Variants in RTN4 observed in about 807,000 individuals in gnomAD.
RTN4 encodes reticulon-4.
Under a neutral mutation model 90.4 loss-of-function variants are expected in RTN4, and 32 were observed. The observed-to-expected ratio is 0.35, with a 90% confidence interval of 0.27 to 0.48. The LOEUF is 0.48. RTN4 is among the 20% of genes least tolerant of loss of function. The pLI, the probability that RTN4 is intolerant of heterozygous loss-of-function variation, is 0.99. For missense variants in RTN4, 1,706 were observed against 1,430.2 expected (o/e 1.19, Z -3.11); for synonymous variants, 629 against 552.5 (o/e 1.14, Z -1.94).
upstream of RTN4, among the ~76,000 whole-genome samples, chr2:55,052,057 TGGAG>T (rs976629377): frequency 2.6e-5 from 4 of 152,124 alleles, no homozygotes; most frequent in Admixed American, 6.5e-5. Flanking sequence ...AAGTAAGAGT[TGGAG>T]GGAGGGATAA....
intron 1 of RTN4, among the ~76,000 whole-genome samples, chr2:55,092,499 G>A (rs1668957040): frequency 1.3e-5 from 2 of 152,110 alleles, no homozygotes; most frequent in Admixed American, 6.5e-5. Flanking sequence ...CTCCTAAAGT[G>A]CTGGGATTAC....
chr2:55,081,291 C>T (rs571761027), intron 1 of RTN4, among the ~76,000 whole-genome samples: 8 of 151,984 alleles, frequency 5.3e-5, no homozygotes, highest in African/African-American at 1.4e-4. Context: ...TGTCCAGCCT[C>T]GGCTCGAACT....
At chr2:55,099,831 C>T (rs1667820226) in intron 1 of RTN4, among the ~76,000 whole-genome samples, 2 of 151,972 alleles carry the variant, frequency 1.3e-5, no homozygotes, top group African/African-American at 4.8e-5. Flanking sequence ...TTAAATGAAG[C>T]GATTCATGTA....
chr2:55,126,944 T>A, the RTN4 span, among the ~76,000 whole-genome samples: 1 of 152,122 alleles, frequency 6.6e-6, no homozygotes, highest in African/African-American at 2.4e-5. Flanking sequence ...TTCTCACTTA[T>A]AAGTGGCAGC....
chr2:55,061,574 T>G (rs560343112), intron 2 of RTN4, among the ~76,000 whole-genome samples: 1 of 152,324 alleles, frequency 6.6e-6, no homozygotes, highest in Admixed American at 6.5e-5. Flanking sequence ...AGTCCCTTTA[T>G]TCATGATACT....
At chr2:54,981,352 A>G (rs1558760240) in intron 5 of RTN4, among the ~76,000 whole-genome samples, 2 of 151,376 alleles carry the variant, frequency 1.3e-5, no homozygotes, top group Non-Finnish European at 2.9e-5. Context: ...TGTTTTTCTG[A>G]GTCTAAAGGC....
intron 8 of RTN4, 181 bp from the exon 9 acceptor site, chr2:54,973,379 A>AACAC (rs1229480299): frequency 2.6e-6 from 2 of 757,150 alleles, no homozygotes; most frequent in African/African-American, 3.5e-5. Flanking sequence ...CAAAGCCTTA[A>AACAC]ACACATAATA....
At chr2:55,110,034 C>T (rs373053655) in intron 1 of RTN4, among the ~76,000 whole-genome samples, 11 of 152,062 alleles carry the variant, frequency 7.2e-5, no homozygotes, top group Admixed American at 5.2e-4. Flanking sequence ...CAGGGCTGGG[C>T]GTGGTGGTTC....
chr2:55,130,536 A>T, the RTN4 span, among the ~76,000 whole-genome samples: 2 of 152,180 alleles, frequency 1.3e-5, no homozygotes, highest in Admixed American at 6.5e-5. Context: ...AGACTGCTCG[A>T]GCCCAGGAGT....
chr2:54,981,177 A>C (rs1192782349), intron 5 of RTN4, among the ~76,000 whole-genome samples: 5 of 152,234 alleles, frequency 3.3e-5, no homozygotes, highest in African/African-American at 1.2e-4. Flanking sequence ...CATAAATAAA[A>C]ATAAGAGATG....
intron 2 of RTN4, among the ~76,000 whole-genome samples, chr2:55,056,864 G>T (rs901406363): frequency 6.6e-6 from 1 of 152,104 alleles, no homozygotes; most frequent in Non-Finnish European, 1.5e-5. Context: ...TAAAACTCAG[G>T]CCTATGTAAC....
intron 5 of RTN4, among the ~76,000 whole-genome samples, chr2:54,975,914 A>T (rs1444725261): frequency 1.3e-5 from 2 of 152,186 alleles, no homozygotes; most frequent in Non-Finnish European, 2.9e-5. Flanking sequence ...TTGAAAAAAA[A>T]TTTTTTTAAG....
upstream of RTN4, among the ~76,000 whole-genome samples, chr2:55,055,713 T>G (rs1438240317): frequency 6.7e-6 from 1 of 149,208 alleles, no homozygotes; most frequent in Admixed American, 6.8e-5. Flanking sequence ...GCGCTTGCAG[T>G]GAGCAGAGAT....
intron 5 of RTN4, among the ~76,000 whole-genome samples, chr2:54,977,993 A>AT (rs1677781663): frequency 6.6e-6 from 1 of 152,110 alleles, no homozygotes; most frequent in Non-Finnish European, 1.5e-5. Context: ...GAGTTTGGTT[A>AT]TTTTTTTGAT....
At chr2:55,036,916 C>A (rs375631637) in intron 1 of RTN4, among the ~76,000 whole-genome samples, 1 of 152,080 alleles carries the variant, frequency 6.6e-6, no homozygotes, top group African/African-American at 2.4e-5. Context: ...CCAGGCTTCT[C>A]GTAAAGATCT....
At chr2:55,066,846 A>G (rs988541476) in intron 2 of RTN4, among the ~76,000 whole-genome samples, 3 of 152,192 alleles carry the variant, frequency 2.0e-5, no homozygotes, top group Admixed American at 1.3e-4. Flanking sequence ...TGGCCATTTC[A>G]TATAGTTCAA....
chr2:55,008,918 G>T (rs1680434198), intron 3 of RTN4, among the ~76,000 whole-genome samples: 1 of 152,118 alleles, frequency 6.6e-6, no homozygotes, highest in Admixed American at 6.5e-5. Context: ...CTAACAGGAT[G>T]AAGAAATAAA....
At chr2:54,986,976 G>C (rs1016993581) in intron 4 of RTN4, among the ~76,000 whole-genome samples, 1 of 152,112 alleles carries the variant, frequency 6.6e-6, no homozygotes, top group African/African-American at 2.4e-5. Flanking sequence ...AAGGGTAGAA[G>C]ATGATAGTTG....
the RTN4 span, among the ~76,000 whole-genome samples, chr2:55,129,407 C>T: frequency 5.6e-3 from 855 of 151,902 alleles, 9 homozygotes; most frequent in African/African-American, 0.02. Flanking sequence ...GACTGTGTCT[C>T]TCTACAAAAA....
Sources: allele counts gnomAD v4.1 joint callset (sites outside exome capture counted in the v4.1 genomes callset), GRCh38; gene constraint gnomAD v4.1.1; transcripts MANE v1.5; gene names NCBI Gene and HGNC (gene_info 2026-07-23, HGNC 2026-07-21).